The following EYS variants were observed in gnomAD, a reference collection of about 807,000 sequenced individuals.
EYS encodes EGF-like photoreceptor maintenance factor, also known as protein eyes shut homolog.
In EYS, 250 loss-of-function variants were observed where a neutral mutation model predicts 282.1. That is an observed-to-expected ratio of 0.89 (90% CI 0.80 to 0.98). The LOEUF (loss-of-function observed/expected upper bound fraction) is 0.98, where lower values mean the gene tolerates loss of function less well. Among genes scored for constraint, EYS ranks in the 50% least tolerant of loss-of-function variants. EYS has a pLI of 0.00. For missense variants in EYS, 4,016 were observed against 3,709.0 expected (o/e 1.08, Z -2.15); for synonymous variants, 1,355 against 1,282.9 (o/e 1.06, Z -1.20).
chr6:65,560,659 C>T (rs1395558617), intron 2 of EYS, among the ~76,000 whole-genome samples: 1 of 151,696 alleles, frequency 6.6e-6, no homozygotes, highest in Non-Finnish European at 1.5e-5. Flanking sequence ...ATATTTTATT[C>T]TTTCTGAAGA....
At chr6:64,003,791 C>T (rs1251801212) in intron 33 of EYS, among the ~76,000 whole-genome samples, 1 of 152,176 alleles carries the variant, frequency 6.6e-6, no homozygotes, top group African/African-American at 2.4e-5. Flanking sequence ...TGGTTACCTC[C>T]ATGCTGTTCT....
chr6:63,833,702 A>G (rs1302519450), intron 36 of EYS, among the ~76,000 whole-genome samples: 1 of 152,212 alleles, frequency 6.6e-6, no homozygotes. Context: ...AGAACTGGAA[A>G]AAACTACTTT....
intron 29 of EYS, among the ~76,000 whole-genome samples, chr6:64,352,130 G>A (rs957289499): frequency 1.3e-5 from 2 of 151,284 alleles, no homozygotes; most frequent in Non-Finnish European, 3.0e-5. Flanking sequence ...CTTTCAATAA[G>A]CAAAAATACT....
chr6:65,102,909 A>T (rs973082350), intron 12 of EYS, among the ~76,000 whole-genome samples: 8 of 151,452 alleles, frequency 5.3e-5, no homozygotes, highest in Admixed American at 2.0e-4. Flanking sequence ...TTTTCTTTAA[A>T]TTTGTTCAAT....
intron 26 of EYS, among the ~76,000 whole-genome samples, chr6:64,505,209 T>C (rs1350164727): frequency 6.6e-6 from 1 of 152,222 alleles, no homozygotes; most frequent in Non-Finnish European, 1.5e-5. Flanking sequence ...ACTTTTTCCT[T>C]TTCCTGAAGG....
chr6:65,366,925 G>A (rs2150338322), intron 8 of EYS, among the ~76,000 whole-genome samples: 1 of 151,600 alleles, frequency 6.6e-6, no homozygotes, highest in Admixed American at 6.7e-5. Context: ...CACCTTCTCT[G>A]TCTCTGATTC....
chr6:64,975,512 C>T (rs1056109372), intron 14 of EYS, among the ~76,000 whole-genome samples: 2 of 151,632 alleles, frequency 1.3e-5, no homozygotes, highest in Non-Finnish European at 1.5e-5. Context: ...CTCTCCAATA[C>T]GTGTCATATT....
rs529135353 is a variant in EYS at position 64,744,055 on chromosome 6, A to G, written c.3443+69323T>C. On this transcript the variant is annotated intron_variant, in intron 22 of 42. Coordinates refer to ENST00000503581, the MANE Select transcript of EYS (RefSeq NM_001142800.2). ...GTCTTTACATGACATTAAAATATTG[A>G]TGAAATATGTGGCTTAATTGGCAAT... 5.1e-4 allele frequency among the ~76,000 whole-genome samples: 78 copies of G among 152,244 alleles called. 1 individual carries two copies. Among genetic ancestry groups the G allele is most frequent in the Non-Finnish European group, 8.8e-4 (60 of 67,980 alleles).
intron 31 of EYS, among the ~76,000 whole-genome samples, chr6:64,128,445 T>A (rs1371758577): frequency 6.6e-6 from 1 of 152,142 alleles, no homozygotes; most frequent in Non-Finnish European, 1.5e-5. Context: ...AGGAAGATAC[T>A]ATCCCTCAGA....
chr6:65,652,198 C>A (rs1171957460), intron 1 of EYS, among the ~76,000 whole-genome samples: 3 of 151,912 alleles, frequency 2.0e-5, no homozygotes, highest in Admixed American at 2.0e-4. Flanking sequence ...AAGAAAAATG[C>A]TTTTTGCAAA....
At chr6:65,278,061 T>TC (rs1768104775) in intron 12 of EYS, among the ~76,000 whole-genome samples, 2 of 138,828 alleles carry the variant, frequency 1.4e-5, no homozygotes, top group Non-Finnish European at 3.1e-5. Context: ...TCTTTTCTTT[T>TC]TTTCTGCCTT....
At chr6:65,141,958 A>G (rs1478677184) in intron 12 of EYS, among the ~76,000 whole-genome samples, 1 of 152,042 alleles carries the variant, frequency 6.6e-6, no homozygotes. Context: ...AGAAATGATA[A>G]AAGAATGAAC....
intron 31 of EYS, among the ~76,000 whole-genome samples, chr6:64,144,217 C>T (rs528918305): frequency 6.6e-6 from 1 of 152,224 alleles, no homozygotes; most frequent in South Asian, 2.1e-4. Context: ...CCACAGCAAG[C>T]CAGAAAGTGG....
At chr6:63,781,569 G>A (rs1770227263) in intron 39 of EYS, among the ~76,000 whole-genome samples, 1 of 152,110 alleles carries the variant, frequency 6.6e-6, no homozygotes. Flanking sequence ...TTGGTGTATA[G>A]GAATGCTTGT....
chr6:64,212,657 TG>T (rs1477434293), intron 31 of EYS, among the ~76,000 whole-genome samples: 2 of 151,920 alleles, frequency 1.3e-5, no homozygotes, highest in African/African-American at 4.8e-5. Context: ...TATACACTGT[TG>T]GTGGGAGTGT....
At chr6:63,800,266 T>G (rs2149676109) in intron 37 of EYS, among the ~76,000 whole-genome samples, 1 of 152,336 alleles carries the variant, frequency 6.6e-6, no homozygotes, top group East Asian at 1.9e-4. Flanking sequence ...GGTTTAGTGT[T>G]GTTAATTAAC....
At chr6:64,960,680 A>G (rs1769881754) in intron 14 of EYS, among the ~76,000 whole-genome samples, 1 of 152,132 alleles carries the variant, frequency 6.6e-6, no homozygotes, top group Admixed American at 6.6e-5. Flanking sequence ...TCAGGGGTAT[A>G]TGTGCAGGTT....
chr6:64,397,083 T>C (rs186213881), intron 28 of EYS, among the ~76,000 whole-genome samples: 8 of 152,278 alleles, frequency 5.3e-5, no homozygotes, highest in Non-Finnish European at 5.9e-5. Context: ...TTGCTCAGTT[T>C]TTTTAATTGA....
intron 33 of EYS, among the ~76,000 whole-genome samples, chr6:64,026,577 A>G (rs1263587397): frequency 6.6e-6 from 1 of 152,178 alleles, no homozygotes; most frequent in African/African-American, 2.4e-5. Flanking sequence ...GTGGGAAGGC[A>G]AATGGAGTGA....
Sources: allele counts gnomAD v4.1 joint callset (sites outside exome capture counted in the v4.1 genomes callset), GRCh38; gene constraint gnomAD v4.1.1; transcripts MANE v1.5; gene names NCBI Gene and HGNC (gene_info 2026-07-23, HGNC 2026-07-21).